The following SPAG16 variants were observed in gnomAD, a reference collection of about 807,000 sequenced individuals.
SPAG16 encodes the protein sperm-associated antigen 16 protein.
Under a neutral mutation model 80.4 loss-of-function variants are expected in SPAG16, and 86 were observed. That is an observed-to-expected ratio of 1.07 (90% CI 0.90 to 1.28). The LOEUF (loss-of-function observed/expected upper bound fraction) is 1.28. Among genes scored for constraint, SPAG16 ranks in the 50% most tolerant of loss-of-function variants. The pLI, the probability that SPAG16 is intolerant of heterozygous loss-of-function variation, is 0.00. For synonymous variants in SPAG16, 294 were observed against 265.9 expected, an observed-to-expected ratio of 1.11 and a Z score of -1.03; for missense variants, 870 against 765.3, an observed-to-expected ratio of 1.14 and a Z score of -1.61.
intron 10 of SPAG16, among the ~76,000 whole-genome samples, chr2:213,526,502 C>T (rs1329609162): frequency 6.6e-6 from 1 of 152,124 alleles, no homozygotes; most frequent in Non-Finnish European, 1.5e-5. Context: ...TCCAGCACCC[C>T]TTTGGCTCTG....
chr2:214,143,480 G>A (rs930355173), intron 14 of SPAG16, among the ~76,000 whole-genome samples: 7 of 152,006 alleles, frequency 4.6e-5, no homozygotes, highest in African/African-American at 1.7e-4. Context: ...TCATCATATA[G>A]TTGTGAGAGT....
At chr2:213,527,743 A>T (rs2125872781) in intron 10 of SPAG16, among the ~76,000 whole-genome samples, 1 of 152,360 alleles carries the variant, frequency 6.6e-6, no homozygotes, top group East Asian at 1.9e-4. Context: ...CACAACTCTG[A>T]AAAGAATACT....
chr2:213,381,568 C>T (rs2067174337), intron 9 of SPAG16, among the ~76,000 whole-genome samples: 1 of 152,100 alleles, frequency 6.6e-6, no homozygotes, highest in Non-Finnish European at 1.5e-5. Flanking sequence ...TAACACAAGG[C>T]TACATGATCC....
intron 10 of SPAG16, among the ~76,000 whole-genome samples, chr2:213,530,060 T>G (rs1177391456): frequency 6.6e-6 from 1 of 152,190 alleles, no homozygotes; most frequent in Non-Finnish European, 1.5e-5. Flanking sequence ...GGAGCTGTCA[T>G]CTCCTGTGAT....
rs2055866281 is a variant in SPAG16 at position 214,149,440 on chromosome 2, T to C, written c.1720+174T>C. Among the ~76,000 whole-genome samples, 4 of 152,188 alleles carry C rather than the reference T, an allele frequency of 2.6e-5. No individual in the cohort carries two copies. In the South Asian group the frequency reaches 6.2e-4, roughly 24 times the overall value. On this transcript the variant is annotated intron_variant, in intron 15 of 15. Coordinates refer to ENST00000331683, the MANE Select transcript of SPAG16 (RefSeq NM_024532.5). ...TTATCATTACGTATAGCATGTCATA[T>C]GAAAGAATTATATTCATATATTTAA...
At chr2:213,431,117 T>C (rs1450480244) in intron 9 of SPAG16, among the ~76,000 whole-genome samples, 1 of 151,916 alleles carries the variant, frequency 6.6e-6, no homozygotes, top group Non-Finnish European at 1.5e-5. Flanking sequence ...TTAAAACACA[T>C]TAAAGGATAA....
chr2:213,797,148 T>C (rs1386742722), intron 10 of SPAG16, among the ~76,000 whole-genome samples: 1 of 152,182 alleles, frequency 6.6e-6, no homozygotes, highest in Non-Finnish European at 1.5e-5. Flanking sequence ...AGCTAACTGT[T>C]AATATAAGAC....
At chr2:213,883,634 G>A (rs2076436367) in intron 11 of SPAG16, among the ~76,000 whole-genome samples, 1 of 152,138 alleles carries the variant, frequency 6.6e-6, no homozygotes, top group Non-Finnish European at 1.5e-5. Context: ...CTATTATAGT[G>A]TGGTTGTCTA....
chr2:214,052,449 A>G (rs1288157260), intron 13 of SPAG16, among the ~76,000 whole-genome samples: 2 of 152,132 alleles, frequency 1.3e-5, no homozygotes, highest in Non-Finnish European at 2.9e-5. Flanking sequence ...GGCACAACCA[A>G]TTCATTTCCA....
chr2:213,674,320 T>C (rs1412709084), intron 10 of SPAG16, among the ~76,000 whole-genome samples: 1 of 152,166 alleles, frequency 6.6e-6, no homozygotes, highest in Non-Finnish European at 1.5e-5. Context: ...ATTTTTTTTC[T>C]TAAAGTCATT....
intron 6 of SPAG16, among the ~76,000 whole-genome samples, chr2:213,345,863 G>C (rs1468309311): frequency 1.3e-5 from 2 of 152,162 alleles, no homozygotes; most frequent in African/African-American, 4.8e-5. Context: ...TAGCAATGCA[G>C]GCTCTTTTTT....
At chr2:214,079,578 C>T (rs1216089418) in intron 13 of SPAG16, among the ~76,000 whole-genome samples, 1 of 152,118 alleles carries the variant, frequency 6.6e-6, no homozygotes, top group Non-Finnish European at 1.5e-5. Flanking sequence ...AAATTTCAAG[C>T]AATACCTAGA....
chr2:213,915,356 A>C, intron 11 of SPAG16, among the ~76,000 whole-genome samples: 1 of 147,180 alleles, frequency 6.8e-6, no homozygotes, highest in African/African-American at 2.5e-5. Flanking sequence ...TTCACCTCCC[A>C]CTTATGAGTG....
chr2:214,057,113 A>C lies in SPAG16; in HGVS notation c.1527+43036A>C, dbSNP rs181977783. ...AATAAATTCCTTCCAAACTCCTGTTAATCTTTATATTTCGATCCCCTCCCA... is the reference window on the plus strand; with the variant it reads ...AATAAATTCCTTCCAAACTCCTGTTCATCTTTATATTTCGATCCCCTCCCA... On this transcript the variant is annotated intron_variant, in intron 13 of 15. Coordinates refer to ENST00000331683, the MANE Select transcript of SPAG16 (RefSeq NM_024532.5). Among the ~76,000 whole-genome samples, 196 of 152,042 alleles carry C rather than the reference A, an allele frequency of 1.3e-3. No homozygotes were observed. In the Middle Eastern group the frequency reaches 0.014, roughly 11 times the overall value.
intron 10 of SPAG16, among the ~76,000 whole-genome samples, chr2:213,749,208 C>T (rs907002130): frequency 4.6e-5 from 7 of 152,044 alleles, no homozygotes; most frequent in Admixed American, 1.3e-4. Context: ...TTTATTTGCT[C>T]CCACTTATTT....
At chr2:214,318,140 C>G (rs966259791) in intron 15 of SPAG16, among the ~76,000 whole-genome samples, 1 of 152,102 alleles carries the variant, frequency 6.6e-6, no homozygotes, top group Non-Finnish European at 1.5e-5. Flanking sequence ...TTCTGGTGGC[C>G]AAATCTGGAA....
chr2:213,878,937 T>A (rs1437930089), intron 11 of SPAG16, among the ~76,000 whole-genome samples: 2 of 152,148 alleles, frequency 1.3e-5, no homozygotes, highest in Admixed American at 6.5e-5. Context: ...TGACAACAAC[T>A]TTGTCAAAGA....
intron 10 of SPAG16, among the ~76,000 whole-genome samples, chr2:213,567,494 G>T (rs2059815678): frequency 8.6e-6 from 1 of 116,696 alleles, no homozygotes; most frequent in African/African-American, 3.9e-5. Context: ...TTGGTTTTTT[G>T]TTCTTGCGAT....
intron 10 of SPAG16, among the ~76,000 whole-genome samples, chr2:213,662,326 A>G (rs12474173): frequency 0.27 from 40,572 of 152,078 alleles, 6,318 homozygotes; most frequent in Middle Eastern, 0.41. Flanking sequence ...GCAAGAACTG[A>G]AAGAATTCAT....
Sources: gnomAD v4.1 joint callset for allele counts (sites outside exome capture counted in the v4.1 genomes callset) on GRCh38, gnomAD v4.1.1 for gene constraint, MANE v1.5 for transcripts, NCBI Gene and HGNC (gene_info 2026-07-23, HGNC 2026-07-21) for gene names.